Variants in PELI2 observed in about 807,000 individuals in gnomAD.
PELI2 encodes pellino E3 ubiquitin protein ligase family member 2.
In PELI2, 23 loss-of-function variants were observed where a neutral mutation model predicts 42.3. That is an observed-to-expected ratio of 0.54 (90% CI 0.39 to 0.77). The LOEUF (loss-of-function observed/expected upper bound fraction) is 0.77, where lower values mean the gene tolerates loss of function less well. Ranked by LOEUF, PELI2 falls within the 30% of genes least tolerant of loss-of-function variation. The pLI, the probability that PELI2 is intolerant of heterozygous loss-of-function variation, is 0.00. For synonymous variants in PELI2, 245 were observed against 212.2 expected (o/e 1.15, Z -1.34); for missense variants, 463 against 553.2 (o/e 0.84, Z 1.64).
At chr14:56,143,646 G>A (rs1442716168) in intron 1 of PELI2, among the ~76,000 whole-genome samples, 1 of 152,180 alleles carries the variant, frequency 6.6e-6, no homozygotes, top group Non-Finnish European at 1.5e-5. Flanking sequence ...AATGGAGTTT[G>A]GGATATTTAT....
intron 2 of PELI2, among the ~76,000 whole-genome samples, chr14:56,272,490 G>A (rs901627351): frequency 5.9e-5 from 9 of 152,300 alleles, no homozygotes; most frequent in Admixed American, 5.9e-4. Flanking sequence ...AGTTTGCAAA[G>A]CAGCCTCATA....
At chr14:56,265,414 A>G (rs1210530950) in intron 2 of PELI2, among the ~76,000 whole-genome samples, 2 of 152,160 alleles carry the variant, frequency 1.3e-5, no homozygotes, top group African/African-American at 2.4e-5. Flanking sequence ...TGTTTCATTT[A>G]TACATGCAGA....
chr14:56,163,265 A>G (rs1030055436), intron 1 of PELI2, among the ~76,000 whole-genome samples: 5 of 152,074 alleles, frequency 3.3e-5, no homozygotes, highest in Non-Finnish European at 7.4e-5. Context: ...ATGGTGAGAG[A>G]TAGTGGTCTA....
intron 1 of PELI2, among the ~76,000 whole-genome samples, chr14:56,127,161 T>C (rs1273180076): frequency 6.6e-6 from 1 of 152,182 alleles, no homozygotes; most frequent in East Asian, 1.9e-4. Context: ...ATCTGAAATT[T>C]GTTGAGAGCG....
rs1889724771 is a variant in PELI2 at position 56,288,732 on chromosome 14, GC to G, written c.507+100del. 1.2e-6 allele frequency: 1 copy of G among 851,984 alleles called. No homozygotes were observed. The highest frequency in any genetic ancestry group is 1.9e-6 in the Non-Finnish European group (1 of 538,450). 52.8% of individuals were successfully genotyped at this position (851,984 alleles called of 1,614,324 possible). A position where few individuals can be genotyped will look rare whatever the true frequency, so the allele number is the denominator to read the frequency against. ...CAAAAAAAAATTGGCTTTGTATGTTGCCTCTAGTGAGATTTTGAGATTTTAG... is the reference window on the plus strand; with the variant it reads ...CAAAAAAAAATTGGCTTTGTATGTTGCTCTAGTGAGATTTTGAGATTTTAG... On this transcript the variant is annotated intron_variant, in intron 4 of 5. Transcript: ENST00000267460. This position sits in a 1 kb window ranked among gnomAD's most constrained non-coding sequence, Gnocchi z 4.6.
At chr14:56,233,801 C>A (rs2139777026) in intron 2 of PELI2, among the ~76,000 whole-genome samples, 1 of 152,294 alleles carries the variant, frequency 6.6e-6, no homozygotes, top group South Asian at 2.1e-4. Context: ...AAGAAACTGT[C>A]ATCAGAGTGA....
intron 2 of PELI2, among the ~76,000 whole-genome samples, chr14:56,263,908 C>T (rs995319084): frequency 6.6e-6 from 1 of 151,882 alleles, no homozygotes; most frequent in East Asian, 1.9e-4. Context: ...TTAAAGACAA[C>T]AGAAGCTCAG....
intron 2 of PELI2, among the ~76,000 whole-genome samples, chr14:56,279,212 T>G (rs1163422572): frequency 6.6e-6 from 1 of 152,208 alleles, no homozygotes; most frequent in Non-Finnish European, 1.5e-5. Context: ...GAAATCTTAA[T>G]TAGAACATTG....
intron 2 of PELI2, among the ~76,000 whole-genome samples, chr14:56,258,492 A>G (rs8181923): frequency 0.38 from 58,080 of 151,948 alleles, 12,366 homozygotes; most frequent in South Asian, 0.52. Context: ...GTGGAATGTA[A>G]AGGGAAATGT....
In PELI2 at chr14:56,219,385, C is replaced by G. The variant is rs946725258; in HGVS notation, c.207+40921C>G. On this transcript the variant is annotated intron_variant, in intron 2 of 5. Transcript: ENST00000267460. The surrounding 1 kb of genome is among the most constrained non-coding windows in gnomAD (Gnocchi z 4.1). ...TCCTGAAGTTATAAACTGTTTTTAA[C>G]TCTTATCAGTCCTCCTTGATTTTCC... 1.3e-5 allele frequency among the ~76,000 whole-genome samples: 2 copies of G among 152,140 alleles called. No individual in the cohort carries two copies. The highest frequency in any genetic ancestry group is 4.8e-5 in the African/African-American group (2 of 41,420).
intron 5 of PELI2, among the ~76,000 whole-genome samples, chr14:56,291,872 T>A (rs545402428): frequency 6.6e-6 from 1 of 152,358 alleles, no homozygotes; most frequent in East Asian, 1.9e-4. Context: ...TGGCAGCCAG[T>A]GGGATTCAAA....
intron 1 of PELI2, among the ~76,000 whole-genome samples, chr14:56,129,708 T>C (rs1321690689): frequency 1.3e-5 from 2 of 152,218 alleles, no homozygotes; most frequent in Non-Finnish European, 2.9e-5. Context: ...GGCTGTTGTT[T>C]CAAGCAGGGA....
chr14:56,225,055 C>T (rs988154896), intron 2 of PELI2, among the ~76,000 whole-genome samples: 3 of 152,124 alleles, frequency 2.0e-5, no homozygotes, highest in Non-Finnish European at 2.9e-5. Flanking sequence ...CATAGCCTAC[C>T]GTAATGCTGG....
At chr14:56,261,823 T>C (rs1460621153) in intron 2 of PELI2, among the ~76,000 whole-genome samples, 1 of 152,166 alleles carries the variant, frequency 6.6e-6, no homozygotes, top group East Asian at 1.9e-4. Flanking sequence ...AAATCTGTTG[T>C]GAGTTTCTTA....
At chr14:56,289,306 G>A (rs1208304924) in intron 4 of PELI2, among the ~76,000 whole-genome samples, 1 of 152,180 alleles carries the variant, frequency 6.6e-6, no homozygotes. Context: ...GGTTCTCTCT[G>A]TCTTGCCTTC....
At chr14:56,143,935 C>A (rs2880615) in intron 1 of PELI2, among the ~76,000 whole-genome samples, 18,924 of 152,116 alleles carry the variant, frequency 0.12, 1,389 homozygotes, top group Middle Eastern at 0.17. Flanking sequence ...TAATTGAACT[C>A]ATTGCTACTG....
chr14:56,216,308 TTTCTATC>T (rs1215959916), intron 2 of PELI2, among the ~76,000 whole-genome samples: 1 of 152,252 alleles, frequency 6.6e-6, no homozygotes, highest in African/African-American at 2.4e-5. Context: ...TGTTTTATGT[TTTCTATC>T]TTCTAAGCCA....
intron 1 of PELI2, among the ~76,000 whole-genome samples, chr14:56,139,526 ATTC>A (rs751582017): frequency 1.3e-5 from 2 of 151,328 alleles, no homozygotes; most frequent in Admixed American, 6.6e-5. Flanking sequence ...TTTCCTTTTC[ATTC>A]TTCTTCTTTG....
chr14:56,275,756 A>G (rs1889269669), intron 2 of PELI2, among the ~76,000 whole-genome samples: 1 of 152,154 alleles, frequency 6.6e-6, no homozygotes, highest in Non-Finnish European at 1.5e-5. Context: ...ACAGACTGAT[A>G]GCAGCCTGTG....
Sources: allele counts gnomAD v4.1 joint callset (sites outside exome capture counted in the v4.1 genomes callset), GRCh38; gene constraint gnomAD v4.1.1; non-coding constraint Gnocchi (gnomAD v3.1); transcripts MANE v1.5; gene names NCBI Gene and HGNC (gene_info 2026-07-23, HGNC 2026-07-21).